The following XKR4 variants were observed in gnomAD, a reference collection of about 807,000 sequenced individuals.
The protein encoded by XKR4 is XK related 4.
A neutral mutation model predicts 53.9 loss-of-function variants in XKR4; 12 were observed. The observed-to-expected ratio is 0.22, with a 90% confidence interval of 0.14 to 0.36. XKR4 has a LOEUF of 0.36. Among genes scored for constraint, XKR4 ranks in the 10% least tolerant of loss-of-function variants. XKR4 has a pLI of 1.00. For synonymous variants in XKR4, 354 were observed against 362.4 expected, an observed-to-expected ratio of 0.98 and a Z score of 0.26; for missense variants, 799 against 859.5, an observed-to-expected ratio of 0.93 and a Z score of 0.88.
At chr8:55,466,820 AT>A (rs1465695024) in intron 2 of XKR4, among the ~76,000 whole-genome samples, 1 of 152,164 alleles carries the variant, frequency 6.6e-6, no homozygotes, top group Non-Finnish European at 1.5e-5. Flanking sequence ...TAAAATAAAC[AT>A]CCTTATACAT....
chr8:55,463,487 G>A (rs1285938331), intron 2 of XKR4, among the ~76,000 whole-genome samples: 1 of 151,308 alleles, frequency 6.6e-6, no homozygotes, highest in Non-Finnish European at 1.5e-5. Flanking sequence ...TGTGTAGAGG[G>A]AAATTTATAG....
At chr8:55,279,153 A>T (rs1432860494) in intron 1 of XKR4, among the ~76,000 whole-genome samples, 1 of 152,222 alleles carries the variant, frequency 6.6e-6, no homozygotes, top group Non-Finnish European at 1.5e-5. Flanking sequence ...TTTGGCTGTG[A>T]TCTCAGACAG....
chr8:55,136,689 AC>A lies in XKR4; in HGVS notation c.806+33397del, dbSNP rs1205941314. Among the ~76,000 whole-genome samples, 31 of 152,270 alleles carry A rather than the reference AC, an allele frequency of 2.0e-4. No homozygotes were observed. In the South Asian group the frequency reaches 4.8e-3, roughly 23 times the overall value. On this transcript the variant is annotated intron_variant, in intron 1 of 2. Coordinates refer to ENST00000327381, the MANE Select transcript of XKR4 (RefSeq NM_052898.2). The stretch of plus-strand genomic sequence containing the variant: ...TACATCCTCTTTTTACTGTGGGTAA[AC>A]CTGATGTGTTTTAACAAATTGGTTA...
chr8:55,443,530 T>TAAAAAA lies in XKR4; in HGVS notation c.1007-79730_1007-79725dup, dbSNP rs751152509. The stretch of plus-strand genomic sequence containing the variant: ...TTTGTAGATTTATAATCAGTTACAT[T>TAAAAAA]AAAAAAAAAAAAAAAAAAAAAAAAA... On this transcript the variant is annotated intron_variant, in intron 2 of 2. Transcript: ENST00000327381. Among the ~76,000 whole-genome samples the TAAAAAA allele has an allele frequency of 6.5e-4, 48 of 74,008 alleles. 2 individuals carry two copies. The highest frequency in any genetic ancestry group is 1.5e-3 in the African/African-American group (24 of 15,948). 48.6% of individuals were successfully genotyped at this position (74,008 alleles called of 152,430 possible).
chr8:55,440,033 C>A (rs1390172784), intron 2 of XKR4, among the ~76,000 whole-genome samples: 2 of 152,156 alleles, frequency 1.3e-5, no homozygotes, highest in Non-Finnish European at 2.9e-5. Context: ...TTGTTACTAA[C>A]AGCTAGGCTC....
In XKR4 at chr8:55,540,478, TAA is replaced by T. The variant is rs1482239941; in HGVS notation, c.*16253_*16254del. The T allele has an allele frequency of 6.6e-6, 1 of 152,180 alleles. No homozygotes were observed. Among genetic ancestry groups the T allele is most frequent in the Non-Finnish European group, 1.5e-5 (1 of 68,020 alleles). 9.4% of individuals were successfully genotyped at this position (152,180 alleles called of 1,614,324 possible). A position where few individuals can be genotyped will look rare whatever the true frequency, so the allele number is the denominator to read the frequency against. ...GATCCCAGCTGAAGCCTTTCTTTGG[TAA>T]AGAGCGCAGAAAGAGACCATAGCTA... On this transcript the variant is annotated 3_prime_UTR_variant, in exon 3 of 3. Transcript: ENST00000327381.
intron 1 of XKR4, among the ~76,000 whole-genome samples, chr8:55,120,301 A>G (rs1308952472): frequency 6.6e-6 from 1 of 152,142 alleles, no homozygotes; most frequent in African/African-American, 2.4e-5. Context: ...ACTGTAGCAC[A>G]TGTTTTGAGT....
At chr8:55,281,939 C>T (rs1818849344) in intron 1 of XKR4, among the ~76,000 whole-genome samples, 1 of 152,192 alleles carries the variant, frequency 6.6e-6, no homozygotes, top group Non-Finnish European at 1.5e-5. Context: ...CTGTAGGACT[C>T]ACCTAACATC....
rs555131351 is a variant in XKR4, at chr8:55,339,953, A to C, written c.807-17725A>C. Among the ~76,000 whole-genome samples, 14 of 152,354 alleles carry C rather than the reference A, an allele frequency of 9.2e-5. No homozygotes were observed. In the East Asian group the frequency reaches 2.5e-3, roughly 27 times the overall value. On this transcript the variant is annotated intron_variant, in intron 1 of 2. Coordinates refer to ENST00000327381, the MANE Select transcript of XKR4 (RefSeq NM_052898.2). ...CTCTATGACCTGAAAAAGAAAATCA[A>C]GTCTTATTGTCCACTGGTGTTGCTA...
At chr8:55,135,766 A>G (rs1334478757) in intron 1 of XKR4, 1 of 355,704 alleles carries the variant, frequency 2.8e-6, no homozygotes, top group Middle Eastern at 5.9e-4. Flanking sequence ...AGGCCGGTGC[A>G]CTCACACCCT....
intron 1 of XKR4, among the ~76,000 whole-genome samples, chr8:55,276,749 A>G (rs558323846): frequency 2.6e-5 from 4 of 152,350 alleles, no homozygotes; most frequent in Admixed American, 2.6e-4. Context: ...CTGTTTTTGA[A>G]ATGTCAAGAC....
chr8:55,357,983 A>G, intron 2 of XKR4, 106 bp downstream of exon 2: 1 of 1,092,412 alleles, frequency 9.2e-7, no homozygotes, highest in Non-Finnish European at 1.3e-6. Flanking sequence ...CAGGCCTGTG[A>G]TGTGTCTGCT....
At chr8:55,455,642 C>G (rs748586808) in intron 2 of XKR4, among the ~76,000 whole-genome samples, 35 of 152,154 alleles carry the variant, frequency 2.3e-4, no homozygotes, top group Non-Finnish European at 3.8e-4. Flanking sequence ...AATTGAATAG[C>G]GAGATCCTGG....
At position 55,145,086 on chromosome 8, in the gene XKR4, G is replaced by A. The variant is rs1816754924; in HGVS notation, c.806+41792G>A. 2.0e-5 allele frequency among the ~76,000 whole-genome samples: 3 copies of A among 152,142 alleles called. No homozygotes were observed. In the South Asian group the frequency reaches 6.2e-4, roughly 32 times the overall value. Reference sequence around the variant, plus strand: ...GCCTCCAGGGATCCGCCCGCCTTGGGCTCTCAAAGTGCTGGGATTATAGGT... The same window carrying A: ...GCCTCCAGGGATCCGCCCGCCTTGGACTCTCAAAGTGCTGGGATTATAGGT... On this transcript the variant is annotated intron_variant, in intron 1 of 2. Coordinates refer to ENST00000327381, the MANE Select transcript of XKR4 (RefSeq NM_052898.2).
chr8:55,151,334 G>GA (rs1816837327), intron 1 of XKR4, among the ~76,000 whole-genome samples: 1 of 152,166 alleles, frequency 6.6e-6, no homozygotes, highest in Non-Finnish European at 1.5e-5. Flanking sequence ...GAGGCTATGG[G>GA]AAAAACAGCA....
In XKR4 at chr8:55,540,375, A is replaced by T. The variant is rs1206347182; in HGVS notation, c.*16148A>T. The T allele has an allele frequency of 6.6e-6, 1 of 152,220 alleles. No homozygotes were observed. Among genetic ancestry groups the T allele is most frequent in the Non-Finnish European group, 1.5e-5 (1 of 68,036 alleles). The allele number at this position is 152,220 out of a possible 1,614,324, so 9.4% of individuals were successfully genotyped here. ...GTGTTAGTATTGCTGACATATTATT[A>T]TCATCACAAAATTCCTTTTATATCT... is the stretch of plus-strand genomic sequence containing the variant. On this transcript the variant is annotated 3_prime_UTR_variant, in exon 3 of 3. Transcript: ENST00000327381.
At chr8:55,120,020 A>T (rs533368542) in intron 1 of XKR4, among the ~76,000 whole-genome samples, 1 of 152,316 alleles carries the variant, frequency 6.6e-6, no homozygotes, top group South Asian at 2.1e-4. Context: ...AGCCTGTGAC[A>T]ACTCAGTAAT....
chr8:55,480,353 G>T (rs1017955661), intron 2 of XKR4, among the ~76,000 whole-genome samples: 1 of 151,976 alleles, frequency 6.6e-6, no homozygotes, highest in Admixed American at 6.6e-5. Flanking sequence ...ATTCAATAAC[G>T]CTTCATGCTA....
At chr8:55,287,131 TGGGG>T (rs61241477) in intron 1 of XKR4, among the ~76,000 whole-genome samples, 2 of 136,558 alleles carry the variant, frequency 1.5e-5, no homozygotes, top group Non-Finnish European at 3.0e-5. Flanking sequence ...AATTATTGGG[TGGGG>T]GGGGGGAACC....
Sources: gnomAD v4.1 joint callset for allele counts (sites outside exome capture counted in the v4.1 genomes callset) on GRCh38, gnomAD v4.1.1 for gene constraint, MANE v1.5 for transcripts, NCBI Gene and HGNC (gene_info 2026-07-23, HGNC 2026-07-21) for gene names.